PDE4D: variants seen among roughly 807,000 people sequenced by gnomAD.
PDE4D encodes phosphodiesterase 4D.
In PDE4D, 24 loss-of-function variants were observed where a neutral mutation model predicts 87.4. The ratio of observed to expected loss-of-function variants is 0.27; its 90% confidence interval spans 0.20 to 0.39. The LOEUF (loss-of-function observed/expected upper bound fraction) is 0.39. Among genes scored for constraint, PDE4D ranks in the 10% least tolerant of loss-of-function variants. PDE4D has a pLI of 1.00. For synonymous variants in PDE4D, 384 were observed against 383.2 expected (o/e 1.00, Z -0.02); for missense variants, 714 against 1,041.0 (o/e 0.69, Z 4.32).
At chr5:60,458,756 C>CA (rs200447317) in intron 1 of PDE4D, among the ~76,000 whole-genome samples, 26,834 of 151,964 alleles carry the variant, frequency 0.18, 3,819 homozygotes, top group African/African-American at 0.39. Flanking sequence ...ACGCACCACA[C>CA]CCGGACTCAT....
intron 2 of PDE4D, among the ~76,000 whole-genome samples, chr5:60,133,723 T>C (rs1779791265): frequency 6.6e-6 from 1 of 152,148 alleles, no homozygotes; most frequent in East Asian, 1.9e-4. Flanking sequence ...TGTGAGAAAA[T>C]CCTTTCATTC....
At chr5:60,414,956 T>C (rs1742359754) in intron 1 of PDE4D, among the ~76,000 whole-genome samples, 1 of 152,224 alleles carries the variant, frequency 6.6e-6, no homozygotes, top group Non-Finnish European at 1.5e-5. Context: ...GAAATGAAAT[T>C]TGAGTCTTAG....
At chr5:59,768,304 C>T in intron 1 of PDE4D, 3 of 1,598,290 alleles carry the variant, frequency 1.9e-6, no homozygotes, top group Non-Finnish European at 2.5e-6. Context: ...GAGAAGCATT[C>T]TGCGCAGAAG....
chr5:59,972,474 A>C (rs938912018), intron 3 of PDE4D, among the ~76,000 whole-genome samples: 12 of 152,254 alleles, frequency 7.9e-5, no homozygotes, highest in African/African-American at 2.9e-4. Flanking sequence ...CAGCCAAATG[A>C]GTTGATCAAA....
At chr5:59,322,964 G>A (rs1376607440) in intron 1 of PDE4D, among the ~76,000 whole-genome samples, 1 of 152,124 alleles carries the variant, frequency 6.6e-6, no homozygotes, top group African/African-American at 2.4e-5. Context: ...CATTACTGTA[G>A]CAATAGCTGA....
intron 1 of PDE4D, among the ~76,000 whole-genome samples, chr5:60,413,907 T>C (rs1004098615): frequency 6.6e-6 from 1 of 152,190 alleles, no homozygotes; most frequent in Non-Finnish European, 1.5e-5. Flanking sequence ...CTTGCTGCTT[T>C]ATCAGAGTTC....
intron 5 of PDE4D, among the ~76,000 whole-genome samples, chr5:59,139,695 G>A (rs553219531): frequency 6.6e-6 from 1 of 151,524 alleles, no homozygotes; most frequent in South Asian, 2.1e-4. Flanking sequence ...GTCCAGGCTG[G>A]TCTCAAACTC....
At chr5:60,353,048 A>G (rs1014531562) in intron 1 of PDE4D, among the ~76,000 whole-genome samples, 3 of 152,200 alleles carry the variant, frequency 2.0e-5, no homozygotes, top group African/African-American at 7.2e-5. Context: ...TAAATGGCTT[A>G]GAGAATCACT....
intron 1 of PDE4D, among the ~76,000 whole-genome samples, chr5:60,423,853 G>A (rs1319129502): frequency 1.3e-5 from 2 of 152,248 alleles, no homozygotes; most frequent in Middle Eastern, 3.4e-3. Flanking sequence ...TGATAAAGGT[G>A]ATATCACCAC....
intron 5 of PDE4D, among the ~76,000 whole-genome samples, chr5:59,065,509 A>C (rs1342458544): frequency 6.6e-6 from 1 of 152,172 alleles, no homozygotes; most frequent in Non-Finnish European, 1.5e-5. Context: ...AAAACAAAAC[A>C]AAAAAACCCA....
At chr5:60,010,954 T>A (rs1764966310) in intron 2 of PDE4D, among the ~76,000 whole-genome samples, 1 of 152,170 alleles carries the variant, frequency 6.6e-6, no homozygotes, top group Admixed American at 6.6e-5. Flanking sequence ...AGGCCATGCA[T>A]ATGTGAGATG....
intron 1 of PDE4D, among the ~76,000 whole-genome samples, chr5:59,333,348 G>C (rs1360309261): frequency 1.3e-5 from 2 of 152,022 alleles, no homozygotes; most frequent in East Asian, 3.9e-4. Context: ...ATCGAGAAGG[G>C]GGAAGTTACA....
chr5:60,073,895 G>C (rs951197708), intron 2 of PDE4D, among the ~76,000 whole-genome samples: 16 of 151,968 alleles, frequency 1.1e-4, no homozygotes, highest in African/African-American at 3.4e-4. Context: ...TTTTAAAATT[G>C]TGTTTATTTG....
At chr5:59,543,189 G>C (rs1326365659) in intron 1 of PDE4D, among the ~76,000 whole-genome samples, 1 of 152,146 alleles carries the variant, frequency 6.6e-6, no homozygotes, top group Non-Finnish European at 1.5e-5. Context: ...GTACTCAGGT[G>C]CTGGCATAGT....
chr5:59,762,375 T>TATATGTGTATATGGGTACACATATGC (rs1762148177), intron 1 of PDE4D, among the ~76,000 whole-genome samples: 3 of 84,650 alleles, frequency 3.5e-5, no homozygotes, highest in South Asian at 3.0e-4. Context: ...GGTACACATG[T>TATATGTGTATATGGGTACACATATGC]GTATATGTGT....
At chr5:59,217,879 A>ACAT (rs754116200) in intron 1 of PDE4D, 7 of 333,678 alleles carry the variant, frequency 2.1e-5, no homozygotes, top group Non-Finnish European at 4.1e-5. Flanking sequence ...CATTCAATAG[A>ACAT]CATACATTAG....
chr5:59,446,396 A>ACATT (rs1408904367), intron 1 of PDE4D, among the ~76,000 whole-genome samples: 1 of 152,228 alleles, frequency 6.6e-6, no homozygotes, highest in East Asian at 1.9e-4. Context: ...GACATTTTTG[A>ACATT]CATTCTCTTT....
At chr5:59,330,053 T>C (rs557115276) in intron 1 of PDE4D, among the ~76,000 whole-genome samples, 43 of 152,306 alleles carry the variant, frequency 2.8e-4, no homozygotes, top group African/African-American at 7.7e-4. Context: ...GTTACTATTA[T>C]ATGTAAGCCC....
intron 2 of PDE4D, among the ~76,000 whole-genome samples, chr5:60,133,293 T>C (rs971251636): frequency 2.6e-5 from 4 of 152,290 alleles, no homozygotes; most frequent in African/African-American, 4.8e-5. Flanking sequence ...TTAGAGTTCA[T>C]ACTCTGCCAC....
Sources: gnomAD v4.1 joint callset for allele counts (sites outside exome capture counted in the v4.1 genomes callset) on GRCh38, gnomAD v4.1.1 for gene constraint, MANE v1.5 for transcripts, NCBI Gene and HGNC (gene_info 2026-07-23, HGNC 2026-07-21) for gene names.